BAZ2B: variants seen among roughly 807,000 people sequenced by gnomAD.
BAZ2B encodes the protein bromodomain adjacent to zinc finger domain protein 2B.
BAZ2B carries 91 observed loss-of-function variants against 246.0 expected under a neutral mutation model. That is an observed-to-expected ratio of 0.37 (90% CI 0.31 to 0.44). BAZ2B has a LOEUF of 0.44. Among genes scored for constraint, BAZ2B ranks in the 20% least tolerant of loss-of-function variants. The pLI is 1.00. For synonymous variants in BAZ2B, 855 were observed against 860.0 expected (o/e 0.99, Z 0.10); for missense variants, 2,332 against 2,533.7 (o/e 0.92, Z 1.71).
intron 33 of BAZ2B, among the ~76,000 whole-genome samples, chr2:159,334,740 G>A (rs2065341802): frequency 6.6e-6 from 1 of 152,198 alleles, no homozygotes. Flanking sequence ...TAAAGCTATA[G>A]ATTGCAGAAT....
In BAZ2B at chr2:159,320,292, CT is replaced by C; in HGVS notation, c.6479del (p.Lys2160SerfsTer8). On this transcript the variant is annotated frameshift_variant, in exon 37 of 37. Coordinates refer to ENST00000392783, the MANE Select transcript of BAZ2B (RefSeq NM_013450.4). LOFTEE classifies it high-confidence loss of function. ...AGCTCACTTTGAAAGTATCTGTCCA[CT>C]TTTTTTCAAAATACTTCCTCATATT... is the stretch of plus-strand genomic sequence containing the variant. ...GHNMRKYFEK[K>X]WTDTFKVS is the part of the protein sequence containing the mutation. The C allele has an allele frequency of 6.4e-7, 1 of 1,561,790 alleles. No homozygotes were observed. The highest frequency in any genetic ancestry group is 8.6e-7 in the Non-Finnish European group (1 of 1,166,158).
At chr2:159,544,608 G>A (rs1331333331) in intron 2 of BAZ2B, among the ~76,000 whole-genome samples, 1 of 152,178 alleles carries the variant, frequency 6.6e-6, no homozygotes, top group African/African-American at 2.4e-5. Flanking sequence ...TGCAAATGGA[G>A]GTTCTGCAAT....
chr2:159,508,015 C>A (rs2082511680), intron 2 of BAZ2B, among the ~76,000 whole-genome samples: 1 of 152,132 alleles, frequency 6.6e-6, no homozygotes, highest in Admixed American at 6.6e-5. Flanking sequence ...GGATTACAGT[C>A]ATGCGCCACC....
chr2:159,583,165 A>G (rs1473975811), intron 1 of BAZ2B, among the ~76,000 whole-genome samples: 3 of 144,922 alleles, frequency 2.1e-5, no homozygotes, highest in Non-Finnish European at 4.5e-5. Context: ...CCCAGGCTGG[A>G]GTACAGTGGC....
chr2:159,324,564 T>C (rs1158659523), intron 36 of BAZ2B, among the ~76,000 whole-genome samples: 1 of 151,538 alleles, frequency 6.6e-6, no homozygotes, highest in African/African-American at 2.4e-5. Context: ...ATTACACGGG[T>C]TTTTAATTTC....
intron 1 of BAZ2B, among the ~76,000 whole-genome samples, chr2:159,613,001 ATACTT>A (rs753305910): frequency 2.6e-5 from 4 of 152,200 alleles, no homozygotes; most frequent in African/African-American, 7.2e-5. Context: ...ACCAAGTTGA[ATACTT>A]TAAGCTATTC....
chr2:159,425,592 T>C (rs955996919), intron 13 of BAZ2B, among the ~76,000 whole-genome samples: 1 of 152,230 alleles, frequency 6.6e-6, no homozygotes, highest in African/African-American at 2.4e-5. Flanking sequence ...CCATCATTAG[T>C]TTTGACACAT....
chr2:159,474,576 T>C (rs777275903), intron 3 of BAZ2B, among the ~76,000 whole-genome samples: 2 of 152,202 alleles, frequency 1.3e-5, no homozygotes, highest in Non-Finnish European at 2.9e-5. Flanking sequence ...AATATTGTTA[T>C]GTGTGAATTT....
chr2:159,594,700 T>C (rs186386374), intron 1 of BAZ2B, among the ~76,000 whole-genome samples: 2 of 151,892 alleles, frequency 1.3e-5, no homozygotes, highest in East Asian at 1.9e-4. Context: ...GGCGTGATTA[T>C]GGCTTGCTGC....
chr2:159,391,049 T>C (rs1359415047), intron 20 of BAZ2B, among the ~76,000 whole-genome samples: 3 of 152,142 alleles, frequency 2.0e-5, no homozygotes, highest in Non-Finnish European at 4.4e-5. Context: ...AGAATAACTT[T>C]TTTCCCCTAG....
At chr2:159,541,338 G>A (rs1328526034) in intron 2 of BAZ2B, among the ~76,000 whole-genome samples, 1 of 151,808 alleles carries the variant, frequency 6.6e-6, no homozygotes, top group African/African-American at 2.4e-5. Flanking sequence ...GAGTGTAGTG[G>A]CATGATCTCA....
At chr2:159,327,328 T>C (rs2063857609) in intron 34 of BAZ2B, among the ~76,000 whole-genome samples, 2 of 152,234 alleles carry the variant, frequency 1.3e-5, no homozygotes, top group Admixed American at 6.5e-5. Context: ...TTAAAAATGC[T>C]CTTAAGCAGT....
chr2:159,600,869 A>T (rs1050209272), intron 1 of BAZ2B, among the ~76,000 whole-genome samples: 36 of 152,190 alleles, frequency 2.4e-4, no homozygotes, highest in African/African-American at 8.7e-4. Context: ...ATTTTTCTCA[A>T]CCTTTCATTA....
chr2:159,433,324 G>C lies in BAZ2B; in HGVS notation c.1333C>G (p.Gln445Glu). 1 of 1,613,826 alleles carries C rather than the reference G, an allele frequency of 6.2e-7. No homozygotes were observed. Among genetic ancestry groups the C allele is most frequent in the Non-Finnish European group, 8.5e-7 (1 of 1,179,974 alleles). The change falls in exon 9 of 37, where the codon CAA becomes GAA. Residue 445 changes from glutamine to glutamate, a missense_variant. Gln to Glu is a conservative substitution (Grantham distance 29). Transcript: ENST00000392783. ...KQAFPSQLKK[Q>E]ESSKSLKKVI... ...TTCTTCAGGCTCTTCGATGACTCTT[G>C]TTTCTTTAACTGTGATGGGAATGCC...
chr2:159,539,310 T>C (rs1336115687), intron 2 of BAZ2B, among the ~76,000 whole-genome samples: 1 of 152,224 alleles, frequency 6.6e-6, no homozygotes, highest in Non-Finnish European at 1.5e-5. Flanking sequence ...GCTTATTAAA[T>C]CAAGGAATAA....
At chr2:159,656,323 C>G in the BAZ2B span, among the ~76,000 whole-genome samples, 1 of 151,272 alleles carries the variant, frequency 6.6e-6, no homozygotes, top group African/African-American at 2.4e-5. Context: ...ACCAATGAGC[C>G]AATACTGACA....
Position 159,350,193 on chromosome 2 carries a change from G to A in BAZ2B, c.4378C>T (p.Leu1460Phe). The change falls in exon 28 of 37, where the codon CTT becomes TTT. Residue 1460 changes from leucine to phenylalanine, a missense_variant. By Grantham distance (22) the Leu-to-Phe change is conservative. Transcript: ENST00000392783. ...LKEKDNTNLF[L>F]QKPGSFSKLS... Reference sequence around the variant, plus strand: ...TTGGAAAAAGAGCCAGGTTTCTGAAGGAATAGATTTGTGTTATCTTTTTCT... The same window carrying A: ...TTGGAAAAAGAGCCAGGTTTCTGAAAGAATAGATTTGTGTTATCTTTTTCT... 1 of 1,614,050 alleles carries A rather than the reference G, an allele frequency of 6.2e-7. No homozygotes were observed.
intron 21 of BAZ2B, among the ~76,000 whole-genome samples, chr2:159,387,763 A>C (rs1018326679): frequency 3.3e-5 from 5 of 152,246 alleles, no homozygotes; most frequent in Non-Finnish European, 7.4e-5. Flanking sequence ...TATGAATTTA[A>C]ATGAAAATAA....
intron 1 of BAZ2B, among the ~76,000 whole-genome samples, chr2:159,602,035 C>CG (rs1312361192): frequency 1.3e-5 from 2 of 152,056 alleles, no homozygotes; most frequent in African/African-American, 4.8e-5. Flanking sequence ...AATCAACAGT[C>CG]GGTAGGATGT....
Sources: allele counts gnomAD v4.1 joint callset (sites outside exome capture counted in the v4.1 genomes callset), GRCh38; gene constraint gnomAD v4.1.1; transcripts MANE v1.5; gene names NCBI Gene and HGNC (gene_info 2026-07-23, HGNC 2026-07-21).